SSH2: variants seen among roughly 807,000 people sequenced by gnomAD.
SSH2 encodes protein phosphatase Slingshot homolog 2.
A neutral mutation model predicts 135.2 loss-of-function variants in SSH2; 37 were observed. That is an observed-to-expected ratio of 0.27 (90% CI 0.21 to 0.36). The LOEUF (loss-of-function observed/expected upper bound fraction) is 0.36, where lower values mean the gene tolerates loss of function less well. Among genes scored for constraint, SSH2 ranks in the 10% least tolerant of loss-of-function variants. SSH2 has a pLI of 1.00. For synonymous variants in SSH2, 628 were observed against 646.2 expected (o/e 0.97, Z 0.43); for missense variants, 1,408 against 1,765.3 (o/e 0.80, Z 3.63).
chr17:29,904,011 G>A (rs2066608008), intron 1 of SSH2, among the ~76,000 whole-genome samples: 1 of 151,756 alleles, frequency 6.6e-6, no homozygotes, highest in South Asian at 2.1e-4. Context: ...GTAATAAATA[G>A]CCTACCAACC....
intron 3 of SSH2, among the ~76,000 whole-genome samples, chr17:29,704,221 C>CA (rs963576589): frequency 1.3e-5 from 2 of 151,714 alleles, no homozygotes; most frequent in East Asian, 1.9e-4. Context: ...CCAAAGTTTG[C>CA]AAAAAAAATT....
intron 1 of SSH2, among the ~76,000 whole-genome samples, chr17:29,857,525 T>A (rs1237092228): frequency 6.6e-6 from 1 of 152,178 alleles, no homozygotes; most frequent in African/African-American, 2.4e-5. Context: ...AGAGTCTTGC[T>A]GTCACCCAGG....
intron 1 of SSH2, among the ~76,000 whole-genome samples, chr17:29,888,847 G>A (rs568104777): frequency 3.0e-4 from 45 of 148,716 alleles, no homozygotes; most frequent in Non-Finnish European, 5.6e-4. Context: ...GGCTGAGGTG[G>A]GAGGATCACT....
intron 14 of SSH2, among the ~76,000 whole-genome samples, chr17:29,643,531 C>T (rs2036251039): frequency 6.6e-6 from 1 of 151,952 alleles, no homozygotes; most frequent in East Asian, 1.9e-4. Context: ...GCTTTAGCCT[C>T]CTGATTAGCT....
chr17:29,672,487 C>T (rs2037534274), intron 8 of SSH2, among the ~76,000 whole-genome samples: 1 of 152,084 alleles, frequency 6.6e-6, no homozygotes, highest in South Asian at 2.1e-4. Context: ...GAATAATTTG[C>T]CATATAAAGA....
At chr17:29,800,990 C>T (rs991654596) in intron 2 of SSH2, among the ~76,000 whole-genome samples, 2 of 151,688 alleles carry the variant, frequency 1.3e-5, no homozygotes, top group Non-Finnish European at 2.9e-5. Flanking sequence ...CTCAGCCTCC[C>T]GAGTAGCTGG....
At chr17:29,813,828 A>G (rs78249338) in intron 2 of SSH2, among the ~76,000 whole-genome samples, 2 of 148,222 alleles carry the variant, frequency 1.3e-5, no homozygotes, top group Non-Finnish European at 3.0e-5. Context: ...CAAAAAAAAA[A>G]TTAAATTAAA....
At chr17:29,670,672 G>C (rs1175799312) in intron 9 of SSH2, among the ~76,000 whole-genome samples, 2 of 152,196 alleles carry the variant, frequency 1.3e-5, no homozygotes, top group African/African-American at 4.8e-5. Flanking sequence ...TACTCGGGAG[G>C]CTGAGGCAGG....
At position 29,792,287 on chromosome 17, in the gene SSH2, A is replaced by G. The variant is rs923102335; in HGVS notation, c.188+1607T>C. On this transcript the variant is annotated intron_variant, in intron 3 of 15. Coordinates refer to ENST00000540801, the MANE Select transcript of SSH2 (RefSeq NM_001282129.2). ...CCTCATCATTAGGTAATTTTTTGGA[A>G]CAACATTATTCCAGTGGATATTGAG... is the stretch of plus-strand genomic sequence containing the variant. Among the ~76,000 whole-genome samples the G allele has an allele frequency of 2.6e-5, 4 of 152,182 alleles. No homozygotes were observed. The East Asian group carries it at 7.7e-4, about 29-fold the overall frequency.
At chr17:29,726,835 T>C (rs1428858767) in intron 3 of SSH2, among the ~76,000 whole-genome samples, 1 of 152,224 alleles carries the variant, frequency 6.6e-6, no homozygotes, top group African/African-American at 2.4e-5. Flanking sequence ...TTGCCTTTCA[T>C]ACCATCTGCC....
At chr17:29,851,300 T>C (rs936417128) in intron 1 of SSH2, among the ~76,000 whole-genome samples, 6 of 152,092 alleles carry the variant, frequency 3.9e-5, no homozygotes, top group African/African-American at 1.4e-4. Flanking sequence ...TGTCACAGTA[T>C]AAAAACTAGA....
chr17:29,709,544 G>A (rs2039361134), intron 3 of SSH2, among the ~76,000 whole-genome samples: 1 of 152,158 alleles, frequency 6.6e-6, no homozygotes, highest in Non-Finnish European at 1.5e-5. Flanking sequence ...AGGTGTGGTG[G>A]CACACGCTTA....
intron 3 of SSH2, among the ~76,000 whole-genome samples, chr17:29,755,954 C>A (rs2041103756): frequency 6.7e-6 from 1 of 148,798 alleles, no homozygotes; most frequent in Admixed American, 6.6e-5. Context: ...AGCCACCGCG[C>A]CAGCTAAATT....
chr17:29,898,792 C>T (rs147182144), intron 1 of SSH2, among the ~76,000 whole-genome samples: 9,432 of 152,216 alleles, frequency 0.062, 545 homozygotes, highest in African/African-American at 0.16. Context: ...AGGCCAGCAT[C>T]ATCCTGATAC....
intron 3 of SSH2, among the ~76,000 whole-genome samples, 162 bp from the exon 4 acceptor site, chr17:29,703,224 G>A (rs1475150418): frequency 6.6e-6 from 1 of 152,038 alleles, no homozygotes; most frequent in Admixed American, 6.6e-5. Flanking sequence ...TCACTCATAC[G>A]CTCCTGTCTA....
At chr17:29,832,103 T>C (rs755739224) in intron 2 of SSH2, among the ~76,000 whole-genome samples, 19 of 152,228 alleles carry the variant, frequency 1.2e-4, no homozygotes, top group Non-Finnish European at 2.5e-4. Context: ...ATTTTACTTA[T>C]AAATCTGTCT....
chr17:29,917,665 T>G (rs989570050), intron 1 of SSH2, among the ~76,000 whole-genome samples: 1 of 152,072 alleles, frequency 6.6e-6, no homozygotes, highest in Non-Finnish European at 1.5e-5. Context: ...CCATCCTGGC[T>G]AACATGGTGA....
rs2042519125 is a variant in SSH2 at position 29,814,472 on chromosome 17, T to C, written c.145-20535A>G. 3.1e-5 allele frequency among the ~76,000 whole-genome samples: 4 copies of C among 130,272 alleles called. No homozygotes were observed. The South Asian group carries it at 7.6e-4, about 25-fold the overall frequency. 85.5% of individuals were successfully genotyped at this position (130,272 alleles called of 152,430 possible). A position where few individuals can be genotyped will look rare whatever the true frequency, so the allele number is the denominator to read the frequency against. On this transcript the variant is annotated intron_variant, in intron 2 of 15. Coordinates refer to ENST00000540801, the MANE Select transcript of SSH2 (RefSeq NM_001282129.2). ...AAAAAAAAAAGAAAGTCATTTAAGA[T>C]AAAACAATAATATGCAATACTGTCG...
chr17:29,744,898 TG>T (rs2040706378), intron 3 of SSH2, among the ~76,000 whole-genome samples: 1 of 151,546 alleles, frequency 6.6e-6, no homozygotes, highest in African/African-American at 2.4e-5. Context: ...TGTGTGTGTG[TG>T]TGTTTAAATA....
Sources: allele counts gnomAD v4.1 joint callset (sites outside exome capture counted in the v4.1 genomes callset), GRCh38; gene constraint gnomAD v4.1.1; transcripts MANE v1.5; gene names NCBI Gene and HGNC (gene_info 2026-07-23, HGNC 2026-07-21).